The following GIGYF1 variants were observed in gnomAD, a reference collection of about 807,000 sequenced individuals.
GIGYF1 encodes GRB10-interacting GYF protein 1.
GIGYF1 carries 84 observed loss-of-function variants against 147.1 expected under a neutral mutation model. The observed-to-expected ratio is 0.57, with a 90% CI of 0.48 to 0.68. The LOEUF is 0.68. GIGYF1 is among the 30% of genes least tolerant of loss of function. The probability of loss-of-function intolerance (pLI) is 0.00; values close to 1 mark genes in which losing one functional copy is unlikely to be tolerated. For synonymous variants in GIGYF1, 752 were observed against 589.5 expected, an observed-to-expected ratio of 1.28 and a Z score of -3.99; for missense variants, 1,485 against 1,393.7, an observed-to-expected ratio of 1.07 and a Z score of -1.04.
rs1010436919 is a variant in GIGYF1 at position 100,681,210 on chromosome 7, T to C, written c.*509A>G. 6.5e-6 allele frequency: 1 copy of C among 152,682 alleles called. No homozygotes were observed. The highest frequency in any genetic ancestry group is 2.4e-5 in the African/African-American group (1 of 41,444). 9.5% of individuals were successfully genotyped at this position (152,682 alleles called of 1,614,324 possible). A position where few individuals can be genotyped will look rare whatever the true frequency, so the allele number is the denominator to read the frequency against. On this transcript the variant is annotated 3_prime_UTR_variant, in exon 27 of 27. Coordinates refer to ENST00000678049, the MANE Select transcript of GIGYF1 (RefSeq NM_001375765.1). ...TGGCCCCCAGCTTCCAGTTACCCCA[T>C]GGCCCGCCTTCTGGGGGGTAAGTAT...
At chr7:100,689,828 C>A in intron 1 of GIGYF1, among the ~76,000 whole-genome samples, 1 of 152,222 alleles carries the variant, frequency 6.6e-6, no homozygotes, top group East Asian at 1.9e-4. Flanking sequence ...CTAGAGCAAT[C>A]TGGGGACTGG....
At chr7:100,691,325 G>A (rs1805807374) in intron 1 of GIGYF1, among the ~76,000 whole-genome samples, 1 of 152,150 alleles carries the variant, frequency 6.6e-6, no homozygotes, top group Admixed American at 6.5e-5. Context: ...CCTCCTCTGC[G>A]CCACGAGCAT....
chr7:100,686,029 C>T lies in GIGYF1; in HGVS notation c.999G>A (p.Gly333=), dbSNP rs778672452. 1 of 1,613,010 alleles carries T rather than the reference C, an allele frequency of 6.2e-7. No homozygotes were observed. Among genetic ancestry groups the T allele is most frequent in the Non-Finnish European group, 8.5e-7 (1 of 1,179,976 alleles). The change falls in exon 12 of 27, where the codon GGG becomes GGA. Residue 333 remains glycine (G), a synonymous_variant. Coordinates refer to ENST00000678049, the MANE Select transcript of GIGYF1 (RefSeq NM_001375765.1). The part of the protein sequence containing the change: ...IPEEQELDFQ[G]LEEEEEPSEG... ...CGGAAGGTTCCTCCTCCTCCTCCAA[C>T]CCTTGGAAGTCCAGCTCCTGCTCCT...
Position 100,694,101 on chromosome 7 carries a change from G to T in GIGYF1, c.-1099+9C>A, listed in dbSNP as rs1035065246. 6.8e-6 allele frequency: 1 copy of T among 146,180 alleles called. No homozygotes were observed. Among genetic ancestry groups the T allele is most frequent in the African/African-American group, 2.5e-5 (1 of 40,578 alleles). The allele number at this position is 146,180 out of a possible 1,614,324, so 9.1% of individuals were successfully genotyped here. ...CGGGCCGGGGGCCGCGGGGCCACTG[G>T]GCGCTTACCGCGGGCGGCGCGAGGG... On this transcript the variant is annotated intron_variant, in intron 1 of 26. Transcript: ENST00000678049.
In GIGYF1 at chr7:100,684,551, C is replaced by T. The variant is rs774104508; in HGVS notation, c.1528G>A (p.Val510Met). 1 of 1,614,144 alleles carries T rather than the reference C, an allele frequency of 6.2e-7. No individual in the cohort carries two copies. Among genetic ancestry groups the T allele is most frequent in the Admixed American group, 1.7e-5 (1 of 60,030 alleles). The change falls in exon 16 of 27, where the codon GTG (valine) becomes ATG (methionine). Residue 510 changes from valine (V) to methionine (M), a missense_variant. Transcript: ENST00000678049. ...AAGCCCTCATCGCAGCCCCGCTTCACCAGCAGTGACATGGAAAAGTAGCCG... is the reference window on the plus strand; with the variant it reads ...AAGCCCTCATCGCAGCCCCGCTTCATCAGCAGTGACATGGAAAAGTAGCCG... Reference protein sequence around the residue: ...QAGYFSMSLLVKRGCDEGFQP... With the variant: ...QAGYFSMSLLMKRGCDEGFQP...
chr7:100,685,719 G>A (rs1805258744), intron 12 of GIGYF1, among the ~76,000 whole-genome samples: 2 of 152,148 alleles, frequency 1.3e-5, no homozygotes, highest in South Asian at 2.1e-4. Context: ...CAACACCGCA[G>A]ACGTCACTCC....
In GIGYF1 at chr7:100,690,868, C is replaced by T. The variant is rs142482723; in HGVS notation, c.-1098-1313G>A. On this transcript the variant is annotated intron_variant, in intron 1 of 26. Coordinates refer to ENST00000678049, the MANE Select transcript of GIGYF1 (RefSeq NM_001375765.1). ...CAAGGGCAGCTCTCCTAGGTGCCTC[C>T]GGCTCAAGTCACCCATCCTGGCTGT... Among the ~76,000 whole-genome samples the T allele has an allele frequency of 2.3e-3, 355 of 151,990 alleles. 1 individual carries two copies. The highest frequency in any genetic ancestry group is 8.2e-3 in the African/African-American group (340 of 41,426).
rs751811470 is a variant in GIGYF1, at chr7:100,685,968, G to C, written c.1054+6C>G. Reference sequence around the variant, plus strand: ...CCCCAGGCCCGCTGGGCACCCCGCGGCTCACCTGCCTCAGGCCCTTCCTCC... The same window carrying C: ...CCCCAGGCCCGCTGGGCACCCCGCGCCTCACCTGCCTCAGGCCCTTCCTCC... On this transcript the variant is annotated splice_donor_region_variant and intron_variant, in intron 12 of 26. Transcript: ENST00000678049. The C allele has an allele frequency of 6.2e-7, 1 of 1,610,720 alleles. No homozygotes were observed. Among genetic ancestry groups the C allele is most frequent in the Non-Finnish European group, 8.5e-7 (1 of 1,179,264 alleles).
chr7:100,685,633 G>C (rs775075361), intron 12 of GIGYF1, 152 bp from the exon 13 acceptor site: 6 of 837,100 alleles, frequency 7.2e-6, no homozygotes, highest in Non-Finnish European at 1.1e-5. Flanking sequence ...ATGGCAGAGG[G>C]AATGCGGTGC....
At chr7:100,686,136 G>A in intron 11 of GIGYF1, 44 bp downstream of exon 11, 1 of 1,600,628 alleles carries the variant, frequency 6.2e-7, no homozygotes, top group Non-Finnish European at 8.5e-7. Context: ...GGAGGAAGAG[G>A]ACCCCGGAAG....
At position 100,686,214 on chromosome 7, in the gene GIGYF1, G is replaced by T. The variant is rs1255793483; in HGVS notation, c.914C>A (p.Thr305Asn). 5 of 1,613,582 alleles carry T rather than the reference G, an allele frequency of 3.1e-6. No homozygotes were observed. Among genetic ancestry groups the T allele is most frequent in the Non-Finnish European group, 4.2e-6 (5 of 1,179,824 alleles). ...CLDDEDEEMGTFDASGAFLPL... is the reference protein window; with the variant it reads ...CLDDEDEEMGNFDASGAFLPL... ...CAAGAAGGCCCCAGAGGCATCAAAGGTGCCCATTTCTTCATCCTCATCGTC... is the reference window on the plus strand; with the variant it reads ...CAAGAAGGCCCCAGAGGCATCAAAGTTGCCCATTTCTTCATCCTCATCGTC... The change falls in exon 11 of 27, where the codon ACC (threonine) becomes AAC (asparagine). Residue 305 changes from threonine to asparagine, a missense_variant. Coordinates refer to ENST00000678049, the MANE Select transcript of GIGYF1 (RefSeq NM_001375765.1).
In GIGYF1 at chr7:100,683,241, G is replaced by A. The variant is rs369031943; in HGVS notation, c.2194-11C>T. 6.2e-6 allele frequency: 10 copies of A among 1,612,656 alleles called. No homozygotes were observed. Among genetic ancestry groups the A allele is most frequent in the Middle Eastern group, 1.6e-4 (1 of 6,084 alleles). On this transcript the variant is annotated splice_polypyrimidine_tract_variant and intron_variant, in intron 21 of 26. Coordinates refer to ENST00000678049, the MANE Select transcript of GIGYF1 (RefSeq NM_001375765.1). The stretch of plus-strand genomic sequence containing the variant: ...CTCCTGCTGCCGCACCTAAGAGGGG[G>A]ACATGGTGAGGGGACCTGGCGAGGG...
At chr7:100,682,815 G>A in intron 22 of GIGYF1, 38 bp from the exon 23 acceptor site, 4 of 1,507,380 alleles carry the variant, frequency 2.7e-6, no homozygotes, top group African/African-American at 1.4e-5. Flanking sequence ...TCAAACAAAG[G>A]CACCCCAGAA....
chr7:100,684,407 C>T, intron 16 of GIGYF1, 43 bp downstream of exon 16: 2 of 1,607,906 alleles, frequency 1.2e-6, no homozygotes, highest in Non-Finnish European at 8.5e-7. Context: ...CCTGCCGGCA[C>T]CCCTCACACC....
In GIGYF1 at chr7:100,681,668, G is replaced by C; in HGVS notation, c.*51C>G. ...CTGCAGGCTGGGACCCTCGGTCCAC[G>C]CCGCTGTGGCTGCCCTGGCCTACAG... On this transcript the variant is annotated 3_prime_UTR_variant, in exon 27 of 27. Transcript: ENST00000678049. The C allele has an allele frequency of 6.7e-7, 1 of 1,500,264 alleles. No individual in the cohort carries two copies. The highest frequency in any genetic ancestry group is 8.9e-7 in the Non-Finnish European group (1 of 1,121,992). 92.9% of individuals were successfully genotyped at this position (1,500,264 alleles called of 1,614,324 possible).
chr7:100,691,215 G>A (rs1017791766), intron 1 of GIGYF1, among the ~76,000 whole-genome samples: 3 of 152,210 alleles, frequency 2.0e-5, no homozygotes, highest in African/African-American at 7.2e-5. Context: ...CAAGTCTAGA[G>A]ACATTCTGGG....
At position 100,682,071 on chromosome 7, in the gene GIGYF1, C is replaced by CCTGCTG. The variant is rs751951469; in HGVS notation, c.2920_2925dup (p.Gln974_Gln975dup). The stretch of plus-strand genomic sequence containing the variant: ...CCAGCTGCTGGTGCCGGCTGCCTCA[C>CCTGCTG]CTGCTGCTGCTGCCGCTGCTGGCTG... On this transcript the variant is annotated inframe_insertion and splice_region_variant. Coordinates refer to ENST00000678049, the MANE Select transcript of GIGYF1 (RefSeq NM_001375765.1). 3.1e-6 allele frequency: 5 copies of CCTGCTG among 1,612,430 alleles called. No individual in the cohort carries two copies. Among genetic ancestry groups the CCTGCTG allele is most frequent in the Non-Finnish European group, 4.2e-6 (5 of 1,179,632 alleles).
rs1387054926 is a variant in GIGYF1, at chr7:100,680,160, T to C, written c.*1559A>G. 2.6e-5 allele frequency: 3 copies of C among 113,642 alleles called. No homozygotes were observed. Among genetic ancestry groups the C allele is most frequent in the African/African-American group, 3.7e-5 (1 of 27,110 alleles). The allele number at this position is 113,642 out of a possible 1,614,324, so 7.0% of individuals were successfully genotyped here. On this transcript the variant is annotated 3_prime_UTR_variant, in exon 27 of 27. Coordinates refer to ENST00000678049, the MANE Select transcript of GIGYF1 (RefSeq NM_001375765.1). ...CCCAACACTGACCTAGTTGCCACTT[T>C]GGTGCAAAAAAAAAAAAAAAAAAAA...
Position 100,683,523 on chromosome 7 carries a change from G to C in GIGYF1, c.2052+27C>G, listed in dbSNP as rs771185100. 68 of 1,613,748 alleles carry C rather than the reference G, an allele frequency of 4.2e-5. No homozygotes were observed. The East Asian group carries it at 1.5e-3, about 35-fold the overall frequency. ...GCCTCGGTCCACCCTTCATTCCCAGGGCCTCAGCCCCAGGATGCCCACTCA... is the reference window on the plus strand; with the variant it reads ...GCCTCGGTCCACCCTTCATTCCCAGCGCCTCAGCCCCAGGATGCCCACTCA... On this transcript the variant is annotated intron_variant, in intron 20 of 26. Transcript: ENST00000678049.
Sources: gnomAD v4.1 joint callset for allele counts (sites outside exome capture counted in the v4.1 genomes callset) on GRCh38, gnomAD v4.1.1 for gene constraint, MANE v1.5 for transcripts, NCBI Gene and HGNC (gene_info 2026-07-23, HGNC 2026-07-21) for gene names.